Variants in DPYD observed in about 807,000 individuals in gnomAD.
DPYD encodes dihydropyrimidine dehydrogenase.
A neutral mutation model predicts 116.2 loss-of-function variants in DPYD; 109 were observed. The ratio of observed to expected loss-of-function variants is 0.94; its 90% CI spans 0.80 to 1.10. The LOEUF is 1.10. DPYD is among the 50% of genes least tolerant of loss of function. The pLI, the probability that DPYD is intolerant of heterozygous loss-of-function variation, is 0.00. For missense variants in DPYD, 1,302 were observed against 1,254.5 expected (o/e 1.04, Z -0.57); for synonymous variants, 440 against 432.0 (o/e 1.02, Z -0.23).
chr1:97,492,233 T>C (rs1460413994), intron 13 of DPYD, among the ~76,000 whole-genome samples: 4 of 152,134 alleles, frequency 2.6e-5, no homozygotes, highest in African/African-American at 7.2e-5. Context: ...TCAAGGCATT[T>C]TGATATAATG....
chr1:97,126,001 C>G (rs6682836), intron 20 of DPYD, among the ~76,000 whole-genome samples: 81,632 of 151,880 alleles, frequency 0.54, 22,410 homozygotes, highest in Middle Eastern at 0.66. Flanking sequence ...CTTTTGAGAT[C>G]ATTACTGGCT....
intron 20 of DPYD, among the ~76,000 whole-genome samples, chr1:97,164,985 G>A (rs1410251035): frequency 1.3e-5 from 2 of 151,958 alleles, no homozygotes; most frequent in African/African-American, 4.8e-5. Context: ...TGGGATTACA[G>A]GTGTGAGCCA....
intron 16 of DPYD, among the ~76,000 whole-genome samples, chr1:97,340,136 A>G (rs1669517113): frequency 6.6e-6 from 1 of 152,112 alleles, no homozygotes; most frequent in Admixed American, 6.6e-5. Flanking sequence ...TAAACACAAA[A>G]TATTATAATA....
At chr1:97,268,451 T>C (rs539615845) in intron 18 of DPYD, among the ~76,000 whole-genome samples, 4 of 152,304 alleles carry the variant, frequency 2.6e-5, no homozygotes, top group South Asian at 4.2e-4. Context: ...TCTGTGCCTA[T>C]GACAAGTCTC....
At chr1:97,533,509 T>C (rs1649788622) in intron 12 of DPYD, among the ~76,000 whole-genome samples, 1 of 152,122 alleles carries the variant, frequency 6.6e-6, no homozygotes, top group Non-Finnish European at 1.5e-5. Flanking sequence ...GCTGACAAGA[T>C]GTCAATGACT....
At chr1:97,276,536 C>T (rs1664937280) in intron 18 of DPYD, among the ~76,000 whole-genome samples, 1 of 151,552 alleles carries the variant, frequency 6.6e-6, no homozygotes, top group Admixed American at 6.6e-5. Context: ...TACAAGTGGG[C>T]AACAATGAAA....
intron 3 of DPYD, among the ~76,000 whole-genome samples, chr1:97,753,752 A>T (rs192908380): frequency 6.6e-6 from 1 of 152,132 alleles, no homozygotes; most frequent in African/African-American, 2.4e-5. Flanking sequence ...CAGTAGAAAT[A>T]CTAGACAAAA....
At chr1:97,608,840 G>T (rs1340416966) in intron 8 of DPYD, among the ~76,000 whole-genome samples, 1 of 151,868 alleles carries the variant, frequency 6.6e-6, no homozygotes, top group Non-Finnish European at 1.5e-5. Context: ...ACTAGGTGAA[G>T]AATCTATAGC....
intron 13 of DPYD, among the ~76,000 whole-genome samples, chr1:97,455,449 C>A (rs1174954319): frequency 6.6e-6 from 1 of 151,844 alleles, no homozygotes; most frequent in East Asian, 1.9e-4. Flanking sequence ...ATTAAATGTA[C>A]TTCATGACCA....
intron 19 of DPYD, among the ~76,000 whole-genome samples, chr1:97,209,759 C>T (rs1413140345): frequency 5.3e-5 from 8 of 152,060 alleles, no homozygotes; most frequent in African/African-American, 2.4e-5. Flanking sequence ...AGGAAATATG[C>T]TAAATATTAT....
intron 5 of DPYD, among the ~76,000 whole-genome samples, chr1:97,708,880 C>T (rs548370553): frequency 5.9e-5 from 9 of 151,768 alleles, no homozygotes; most frequent in Admixed American, 4.6e-4. Context: ...CTAAGTATTT[C>T]GTTTTTAAGG....
chr1:97,751,472 A>ATATATATG (rs1664914993), intron 3 of DPYD, among the ~76,000 whole-genome samples: 1 of 113,914 alleles, frequency 8.8e-6, no homozygotes, highest in Non-Finnish European at 1.8e-5. Flanking sequence ...ATATATATAT[A>ATATATATG]TATATATATA....
intron 4 of DPYD, 43 bp downstream of exon 4, chr1:97,740,349 C>A: frequency 6.6e-7 from 1 of 1,507,252 alleles, no homozygotes; most frequent in South Asian, 1.1e-5. Flanking sequence ...AGAACAAGAT[C>A]AAATACTGTT....
intron 18 of DPYD, among the ~76,000 whole-genome samples, chr1:97,290,665 C>A (rs1353828783): frequency 6.6e-6 from 1 of 152,228 alleles, no homozygotes; most frequent in African/African-American, 2.4e-5. Context: ...CCCTTCCTTA[C>A]ACCTTATACA....
intron 20 of DPYD, among the ~76,000 whole-genome samples, chr1:97,161,183 T>G (rs906732589): frequency 6.6e-6 from 1 of 152,140 alleles, no homozygotes; most frequent in Non-Finnish European, 1.5e-5. Flanking sequence ...TCATACCAAT[T>G]AATTTCTTCA....
chr1:97,796,476 G>C (rs1037536251), intron 3 of DPYD, among the ~76,000 whole-genome samples: 2 of 152,042 alleles, frequency 1.3e-5, no homozygotes, highest in Non-Finnish European at 2.9e-5. Context: ...TTTGATAGAA[G>C]TGAACATCCT....
intron 18 of DPYD, chr1:97,295,823 A>G (rs1257252580): frequency 1.7e-5 from 15 of 898,590 alleles, no homozygotes; most frequent in Non-Finnish European, 1.9e-5. Flanking sequence ...GTTGTCATAA[A>G]GTTGTGTGAA....
chr1:97,830,079 C>A (rs1669457213), intron 2 of DPYD, among the ~76,000 whole-genome samples: 1 of 152,112 alleles, frequency 6.6e-6, no homozygotes. Context: ...GACATGAATT[C>A]ATCCTTTTTT....
intron 16 of DPYD, among the ~76,000 whole-genome samples, chr1:97,350,269 A>G (rs932800062): frequency 6.6e-6 from 1 of 152,022 alleles, no homozygotes; most frequent in African/African-American, 2.4e-5. Context: ...TACTCAAACC[A>G]TAGGCTTTTG....
Sources: gnomAD v4.1 joint callset for allele counts (sites outside exome capture counted in the v4.1 genomes callset) on GRCh38, gnomAD v4.1.1 for gene constraint, MANE v1.5 for transcripts, NCBI Gene and HGNC (gene_info 2026-07-23, HGNC 2026-07-21) for gene names.